ANKS1A: variants seen among roughly 807,000 people sequenced by gnomAD.
ANKS1A encodes ankyrin repeat and SAM domain-containing protein 1A.
A neutral mutation model predicts 120.3 loss-of-function variants in ANKS1A; 55 were observed. That is an observed-to-expected ratio of 0.46 (90% CI 0.37 to 0.57). The LOEUF is 0.57. Among genes scored for constraint, ANKS1A ranks in the 20% least tolerant of loss-of-function variants. The pLI, the probability that ANKS1A is intolerant of heterozygous loss-of-function variation, is 0.00. For missense variants in ANKS1A, 1,123 were observed against 1,480.3 expected, an observed-to-expected ratio of 0.76 and a Z score of 3.96; for synonymous variants, 590 against 604.7, an observed-to-expected ratio of 0.98 and a Z score of 0.36.
At position 35,082,944 on chromosome 6, in the gene ANKS1A, A is replaced by G; in HGVS notation, c.2835+128A>G. 6.9e-7 allele frequency: 1 copy of G among 1,456,984 alleles called. No individual in the cohort carries two copies. The highest frequency in any genetic ancestry group is 9.2e-7 in the Non-Finnish European group (1 of 1,089,778). The allele number at this position is 1,456,984 out of a possible 1,614,324, so 90.3% of individuals were successfully genotyped here. On this transcript the variant is annotated intron_variant, in intron 18 of 23. Coordinates refer to ENST00000360359, the MANE Select transcript of ANKS1A (RefSeq NM_015245.3). The surrounding 1 kb of genome is among the most constrained non-coding windows in gnomAD (Gnocchi z 4.1). ...GGCTTTTGAGCTGTTCTCCACTCTC[A>G]GCCACTCTTGACAGCTAAGGCGAAG...
chr6:35,030,886 C>T (rs930742614), intron 11 of ANKS1A, among the ~76,000 whole-genome samples: 2 of 152,194 alleles, frequency 1.3e-5, no homozygotes, highest in Non-Finnish European at 2.9e-5. Flanking sequence ...GCTTTTGTCC[C>T]GGCCCTTCGG....
At chr6:34,996,238 T>G (rs1772848440) in intron 10 of ANKS1A, among the ~76,000 whole-genome samples, 1 of 152,202 alleles carries the variant, frequency 6.6e-6, no homozygotes, top group Admixed American at 6.5e-5. Flanking sequence ...ATCCTTAATA[T>G]CTAATTAAAT....
chr6:34,970,177 A>G lies in ANKS1A; in HGVS notation c.435+11A>G. The G allele has an allele frequency of 6.2e-7, 1 of 1,606,572 alleles. No homozygotes were observed. Among genetic ancestry groups the G allele is most frequent in the South Asian group, 1.1e-5 (1 of 90,254 alleles). On this transcript the variant is annotated intron_variant, in intron 3 of 23. Transcript: ENST00000360359. ...AGAGTCAATGAACAGGTCGGAAGGA[A>G]GGGAGGCTTTCCTTCCTCCATTCAG...
Position 34,982,600 on chromosome 6 carries a change from T to C in ANKS1A, c.733-152T>C. The C allele has an allele frequency of 1.2e-6, 1 of 812,124 alleles. No homozygotes were observed. Among genetic ancestry groups the C allele is most frequent in the East Asian group, 2.7e-5 (1 of 37,236 alleles). The allele number at this position is 812,124 out of a possible 1,614,324, so 50.3% of individuals were successfully genotyped here. A position where few individuals can be genotyped will look rare whatever the true frequency, so the allele number is the denominator to read the frequency against. ...ATGGGCCATGATCGTGGTTTTGGAA[T>C]CCACACAAGAAAAGCTGGAAAGATA... On this transcript the variant is annotated intron_variant, in intron 4 of 23. Coordinates refer to ENST00000360359, the MANE Select transcript of ANKS1A (RefSeq NM_015245.3). This position sits in a 1 kb window ranked among gnomAD's most constrained non-coding sequence, Gnocchi z 4.9.
chr6:35,034,559 T>C (rs545227713), intron 11 of ANKS1A, among the ~76,000 whole-genome samples: 19 of 152,310 alleles, frequency 1.2e-4, no homozygotes, highest in Admixed American at 3.3e-4. Context: ...CTTGTCAAAT[T>C]TGTGGCTGTG....
intron 1 of ANKS1A, among the ~76,000 whole-genome samples, chr6:34,963,502 T>G (rs2127503568): frequency 6.6e-6 from 1 of 152,370 alleles, no homozygotes; most frequent in East Asian, 1.9e-4. Flanking sequence ...ATACCACATC[T>G]TCTTTATTCA....
Position 34,912,523 on chromosome 6 carries a change from T to G in ANKS1A, c.197+22924T>G, listed in dbSNP as rs185159782. Among the ~76,000 whole-genome samples the G allele has an allele frequency of 1.9e-3, 285 of 152,296 alleles. 1 individual carries two copies. The highest frequency in any genetic ancestry group is 6.4e-3 in the African/African-American group (268 of 41,570). On this transcript the variant is annotated intron_variant, in intron 1 of 23. Coordinates refer to ENST00000360359, the MANE Select transcript of ANKS1A (RefSeq NM_015245.3). ...CCTGCCCAGAGGTTCAACAGCACAC[T>G]GTTGGGATGAGAGAGAGGCCCCTTC...
downstream of ANKS1A, among the ~76,000 whole-genome samples, chr6:35,096,080 C>G (rs1387118743): frequency 2.0e-5 from 3 of 152,132 alleles, no homozygotes; most frequent in African/African-American, 7.2e-5. Flanking sequence ...TGGGATGAGG[C>G]AGGCTCACTT....
chr6:34,964,541 T>C (rs1043122616), intron 1 of ANKS1A, among the ~76,000 whole-genome samples: 1 of 152,240 alleles, frequency 6.6e-6, no homozygotes, highest in Non-Finnish European at 1.5e-5. Flanking sequence ...ATGTCAGGAC[T>C]TAAAGGTCCA....
chr6:34,973,887 A>C (rs150023946), intron 3 of ANKS1A, among the ~76,000 whole-genome samples: 2,949 of 10,644 alleles, frequency 0.28, 35 homozygotes, highest in African/African-American at 0.3. Flanking sequence ...CTTCCCCTTC[A>C]CTTCCCCTTC....
At position 35,017,517 on chromosome 6, in the gene ANKS1A, G is replaced by A. The variant is rs1337109537; in HGVS notation, c.1468G>A (p.Gly490Arg). 13 of 1,613,836 alleles carry A rather than the reference G, an allele frequency of 8.1e-6. No individual in the cohort carries two copies. The highest frequency in any genetic ancestry group is 1.1e-5 in the Non-Finnish European group (13 of 1,179,902). The change falls in exon 11 of 24, where the codon GGG (glycine) becomes AGG (arginine). Residue 490 changes from glycine to arginine, a missense_variant. Transcript: ENST00000360359. The stretch of plus-strand genomic sequence containing the variant: ...CAGCCGGAGCCAGGACTCTGCGGAG[G>A]GGCAGGACGGGCAGGTCCCAGAGCA... ...SSSRSQDSAE[G>R]QDGQVPEQFS...
chr6:35,090,531 A>ATTT lies in ANKS1A; in HGVS notation c.*1924_*1926dup, dbSNP rs2127620994. The ATTT allele has an allele frequency of 9.6e-7, 1 of 1,036,572 alleles. No homozygotes were observed. Among genetic ancestry groups the ATTT allele is most frequent in the African/African-American group, 1.7e-5 (1 of 58,514 alleles). The allele number at this position is 1,036,572 out of a possible 1,614,324, so 64.2% of individuals were successfully genotyped here. On this transcript the variant is annotated 3_prime_UTR_variant, in exon 24 of 24. Coordinates refer to ENST00000360359, the MANE Select transcript of ANKS1A (RefSeq NM_015245.3). Reference sequence around the variant, plus strand: ...TATATCATCTTTATTTATTCAGGGTATTTTCATATTGGAAGCCTTGGCTAG... The same window carrying ATTT: ...TATATCATCTTTATTTATTCAGGGTATTTTTTTCATATTGGAAGCCTTGGCTAG...
In ANKS1A at chr6:35,085,899, C is replaced by G. The variant is rs201812720; in HGVS notation, c.3266C>G (p.Pro1089Arg). 161 of 1,612,858 alleles carry G rather than the reference C, an allele frequency of 1.0e-4. 1 individual carries two copies. The highest frequency in any genetic ancestry group is 7.5e-4 in the Admixed American group (45 of 59,896). Residue 1089 changes from proline (P) to arginine (R), a missense_variant, in exon 22 of 24, where the codon CCG (proline) becomes CGG (arginine). By Grantham distance (103) the Pro-to-Arg change is moderately radical. Around this residue, in one of 3 missense-constraint regions of ANKS1A, gnomAD observed 904 missense variants for 1,130.4 expected, o/e 0.80. Coordinates refer to ENST00000360359, the MANE Select transcript of ANKS1A (RefSeq NM_015245.3). This position sits in a 1 kb window ranked among gnomAD's most constrained non-coding sequence, Gnocchi z 4.7. Reference sequence around the variant, plus strand: ...ATGATTGAAACAAAATCTTCCAAACCGGTGCCTAAGCCTCGGGTCGGCGTG... The same window carrying G: ...ATGATTGAAACAAAATCTTCCAAACGGGTGCCTAAGCCTCGGGTCGGCGTG... The part of the protein sequence containing the change: ...AEMIETKSSK[P>R]VPKPRVGVRK...
At chr6:34,904,071 A>G (rs1767509863) in intron 1 of ANKS1A, among the ~76,000 whole-genome samples, 2 of 152,144 alleles carry the variant, frequency 1.3e-5, no homozygotes. Context: ...CTCAGTCTCC[A>G]TGGGGGATTG....
intron 11 of ANKS1A, among the ~76,000 whole-genome samples, chr6:35,022,398 G>A (rs1774389514): frequency 6.6e-6 from 1 of 152,184 alleles, no homozygotes; most frequent in Non-Finnish European, 1.5e-5. Flanking sequence ...CCTTATTGTG[G>A]GTTAATGCAG....
intron 1 of ANKS1A, among the ~76,000 whole-genome samples, chr6:34,917,946 C>T (rs1285669640): frequency 1.3e-5 from 2 of 152,188 alleles, no homozygotes. Flanking sequence ...AGTATACAGC[C>T]TCTTCCTAAA....
intron 1 of ANKS1A, among the ~76,000 whole-genome samples, chr6:34,965,599 C>T (rs570720070): frequency 1.2e-3 from 176 of 152,260 alleles, no homozygotes; most frequent in African/African-American, 4.1e-3. Flanking sequence ...GATCCACTCG[C>T]CTTGGCCTCC....
At chr6:35,008,854 G>C (rs1390799883) in intron 10 of ANKS1A, among the ~76,000 whole-genome samples, 2 of 152,186 alleles carry the variant, frequency 1.3e-5, no homozygotes, top group African/African-American at 4.8e-5. Flanking sequence ...AATCACACTT[G>C]AGCTGAACCC....
downstream of ANKS1A, among the ~76,000 whole-genome samples, chr6:35,091,682 C>G (rs1778310282): frequency 6.6e-6 from 1 of 152,224 alleles, no homozygotes; most frequent in Non-Finnish European, 1.5e-5. Context: ...ATTCTAGTTA[C>G]TGCTGCAGTG....
Sources: gnomAD v4.1 joint callset for allele counts (sites outside exome capture counted in the v4.1 genomes callset) on GRCh38, gnomAD v4.1.1 for gene constraint, gnomAD v4.1.1 regional missense constraint, Gnocchi (gnomAD v3.1) non-coding constraint, MANE v1.5 for transcripts, NCBI Gene and HGNC (gene_info 2026-07-23, HGNC 2026-07-21) for gene names.